PLXDC2: variants seen among roughly 807,000 people sequenced by gnomAD.
PLXDC2 encodes plexin domain containing 2.
PLXDC2 carries 40 observed loss-of-function variants against 68.9 expected under a neutral mutation model. The observed-to-expected ratio is 0.58, with a 90% CI of 0.45 to 0.76. The LOEUF is 0.76. Among genes scored for constraint, PLXDC2 ranks in the 30% least tolerant of loss-of-function variants. The pLI is 0.00. For missense variants in PLXDC2, 644 were observed against 661.9 expected (o/e 0.97, Z 0.30); for synonymous variants, 243 against 234.2 (o/e 1.04, Z -0.34).
intron 6 of PLXDC2, among the ~76,000 whole-genome samples, chr10:20,156,294 T>C (rs947204516): frequency 1.1e-4 from 16 of 152,200 alleles, no homozygotes; most frequent in Admixed American, 1.0e-3. Flanking sequence ...TGAGCAGTCT[T>C]AACTCAGAGG....
At chr10:19,908,314 G>A (rs1469535672) in intron 1 of PLXDC2, among the ~76,000 whole-genome samples, 1 of 152,068 alleles carries the variant, frequency 6.6e-6, no homozygotes, top group Admixed American at 6.6e-5. Flanking sequence ...GCGGTAATCT[G>A]CAATATTTTG....
chr10:20,125,480 C>G (rs117827261), intron 4 of PLXDC2, among the ~76,000 whole-genome samples: 279 of 152,142 alleles, frequency 1.8e-3, no homozygotes, highest in Admixed American at 3.9e-3. Context: ...CCTTGGCGGA[C>G]CAGACTACTA....
intron 7 of PLXDC2, among the ~76,000 whole-genome samples, chr10:20,169,556 G>T (rs1363847086): frequency 6.6e-6 from 1 of 152,090 alleles, no homozygotes; most frequent in Non-Finnish European, 1.5e-5. Flanking sequence ...AGTGCCATTT[G>T]CACTAATTTG....
rs192078763 is a variant in PLXDC2 at position 19,875,167 on chromosome 10, C to T, written c.112+57976C>T. On this transcript the variant is annotated intron_variant, in intron 1 of 13. Coordinates refer to ENST00000377252, the MANE Select transcript of PLXDC2 (RefSeq NM_032812.9). ...AGCCTTATAATGCTTACTTAGGATC[C>T]GATGTAGGAAGTGGTGCAGAAGGCA... Among the ~76,000 whole-genome samples, 14 of 152,162 alleles carry T rather than the reference C, an allele frequency of 9.2e-5. No individual in the cohort carries two copies. The East Asian group carries it at 2.3e-3, about 25-fold the overall frequency.
At chr10:20,184,395 G>T (rs7895519) in intron 9 of PLXDC2, among the ~76,000 whole-genome samples, 1 of 148,140 alleles carries the variant, frequency 6.8e-6, no homozygotes, top group Non-Finnish European at 1.5e-5. Flanking sequence ...ATATAAAATT[G>T]TATACAAACG....
At chr10:19,820,311 G>A (rs1390236828) in intron 1 of PLXDC2, among the ~76,000 whole-genome samples, 3 of 152,178 alleles carry the variant, frequency 2.0e-5, no homozygotes, top group Non-Finnish European at 2.9e-5. Flanking sequence ...TTCACTGTAA[G>A]CATCAGATAC....
chr10:20,181,303 T>C (rs1011132186), intron 9 of PLXDC2, among the ~76,000 whole-genome samples: 23 of 152,072 alleles, frequency 1.5e-4, no homozygotes, highest in African/African-American at 5.1e-4. Context: ...ATAGAATGCA[T>C]AACACATGTC....
At chr10:20,132,142 T>C (rs554729076) in intron 4 of PLXDC2, among the ~76,000 whole-genome samples, 1 of 152,338 alleles carries the variant, frequency 6.6e-6, no homozygotes, top group Admixed American at 6.5e-5. Context: ...TTTTCACATA[T>C]TTGCAAATGC....
At chr10:20,076,941 A>T (rs1836461526) in intron 4 of PLXDC2, among the ~76,000 whole-genome samples, 1 of 152,218 alleles carries the variant, frequency 6.6e-6, no homozygotes, top group Non-Finnish European at 1.5e-5. Flanking sequence ...AACACACGAT[A>T]GAATCTCGAA....
intron 6 of PLXDC2, among the ~76,000 whole-genome samples, chr10:20,162,031 A>G (rs1374682801): frequency 6.1e-5 from 4 of 65,608 alleles, no homozygotes; most frequent in African/African-American, 2.0e-4. Context: ...AGAAAAAGAA[A>G]GAAAGAAAGA....
intron 1 of PLXDC2, among the ~76,000 whole-genome samples, chr10:19,947,699 C>CTTTT (rs1258421726): frequency 8.4e-6 from 1 of 119,316 alleles, no homozygotes; most frequent in African/African-American, 3.0e-5. Flanking sequence ...TTTTTCTTTT[C>CTTTT]TTTCTTTCTT....
chr10:19,976,449 G>A (rs1391934279), intron 1 of PLXDC2, among the ~76,000 whole-genome samples: 2 of 152,062 alleles, frequency 1.3e-5, no homozygotes, highest in African/African-American at 4.8e-5. Flanking sequence ...TCCTGACCGC[G>A]TGATCCACCC....
intron 1 of PLXDC2, among the ~76,000 whole-genome samples, chr10:19,962,505 C>T (rs1182363207): frequency 6.7e-6 from 1 of 149,090 alleles, no homozygotes; most frequent in African/African-American, 2.4e-5. Flanking sequence ...ATTCTCCCGC[C>T]TCAGCCTCCC....
At chr10:20,185,160 GAAAAAAAAA>G (rs11307851) in intron 9 of PLXDC2, among the ~76,000 whole-genome samples, 19 of 56,006 alleles carry the variant, frequency 3.4e-4, no homozygotes, top group Admixed American at 2.2e-3. Flanking sequence ...GAACTGAAAG[GAAAAAAAAA>G]AAAAAAAAAA....
intron 1 of PLXDC2, among the ~76,000 whole-genome samples, chr10:19,896,839 T>G (rs1838065740): frequency 6.6e-6 from 1 of 152,174 alleles, no homozygotes; most frequent in African/African-American, 2.4e-5. Context: ...ATCAGTGAAG[T>G]CTTTCCTGAG....
intron 1 of PLXDC2, among the ~76,000 whole-genome samples, chr10:19,896,259 A>G (rs1416919495): frequency 6.6e-5 from 10 of 152,160 alleles, no homozygotes; most frequent in Admixed American, 5.2e-4. Flanking sequence ...TTGCACACAC[A>G]TGGAAGGGAA....
intron 3 of PLXDC2, among the ~76,000 whole-genome samples, chr10:20,065,813 C>T (rs1030755198): frequency 6.6e-6 from 1 of 152,182 alleles, no homozygotes. Context: ...AGGCAGAGCT[C>T]AGGTGGTAAC....
At chr10:19,819,490 A>G (rs1026105930) in intron 1 of PLXDC2, among the ~76,000 whole-genome samples, 4 of 152,256 alleles carry the variant, frequency 2.6e-5, no homozygotes, top group African/African-American at 9.6e-5. Context: ...ATGGGGGGAA[A>G]AGTCCAGCAG....
intron 1 of PLXDC2, among the ~76,000 whole-genome samples, chr10:19,964,095 A>G (rs1405186113): frequency 1.3e-5 from 2 of 152,230 alleles, no homozygotes; most frequent in East Asian, 3.9e-4. Context: ...ACATTTAACA[A>G]CAGACTCTCT....
Sources: gnomAD v4.1 joint callset for allele counts (sites outside exome capture counted in the v4.1 genomes callset) on GRCh38, gnomAD v4.1.1 for gene constraint, MANE v1.5 for transcripts, NCBI Gene and HGNC (gene_info 2026-07-23, HGNC 2026-07-21) for gene names.